FBN2: variants seen among roughly 807,000 people sequenced by gnomAD.
FBN2 encodes fibrillin-2.
In FBN2, 105 loss-of-function variants were observed where a neutral mutation model predicts 355.6. That is an observed-to-expected ratio of 0.30 (90% CI 0.25 to 0.35). FBN2 has a LOEUF of 0.35. Ranked by LOEUF, FBN2 falls within the 10% of genes least tolerant of loss-of-function variation. The probability of loss-of-function intolerance (pLI) is 1.00; values close to 1 mark genes in which losing one functional copy is unlikely to be tolerated. For synonymous variants in FBN2, 1,350 were observed against 1,301.2 expected (o/e 1.04, Z -0.81); for missense variants, 3,280 against 3,758.7 (o/e 0.87, Z 3.33).
At position 128,374,667 on chromosome 5, in the gene FBN2, G is replaced by A. The variant is rs1752034485; in HGVS notation, c.2056C>T (p.Pro686Ser). Residue 686 changes from proline (P) to serine (S), a missense_variant, in exon 15 of 65, where the codon CCA becomes TCA. By Grantham distance (74) the Pro-to-Ser change is moderately conservative. Around this residue, in one of 6 missense-constraint regions of FBN2, gnomAD observed 2,284 missense variants for 2,749.5 expected, o/e 0.83. Transcript: ENST00000262464. ...CCATCCATGCCCACAGCCAGGCCTG[G>A]GGGACAGTCACAGCGGAAGGACCCT... is the stretch of plus-strand genomic sequence containing the variant. ...SEGSFRCDCP[P>S]GLAVGMDGRV... is the part of the protein sequence containing the mutation. 1.2e-6 allele frequency: 2 copies of A among 1,613,922 alleles called. No homozygotes were observed. Among genetic ancestry groups the A allele is most frequent in the Non-Finnish European group, 1.7e-6 (2 of 1,179,908 alleles).
intron 55 of FBN2, among the ~76,000 whole-genome samples, chr5:128,282,902 G>GAGACTCA (rs1385704025): frequency 1.3e-5 from 2 of 152,124 alleles, no homozygotes; most frequent in African/African-American, 4.8e-5. Flanking sequence ...TCATTTCAAT[G>GAGACTCA]AGACTCAAGA....
rs144593563 is a variant in FBN2 at position 128,342,731 on chromosome 5, AT to A, written c.3343+1653del. Among the ~76,000 whole-genome samples the A allele has an allele frequency of 4.1e-3, 591 of 143,916 alleles. 1 individual carries two copies. Among genetic ancestry groups the A allele is most frequent in the African/African-American group, 9.3e-3 (364 of 39,300 alleles). The allele number at this position is 143,916 out of a possible 152,430, so 94.4% of individuals were successfully genotyped here. ...GGAGAGGGAGTGGGGGATAAAGGAG[AT>A]TTTTTTTTTTTTTGAGATGGAGTTT... is the stretch of plus-strand genomic sequence containing the variant. On this transcript the variant is annotated intron_variant, in intron 25 of 64. Coordinates refer to ENST00000262464, the MANE Select transcript of FBN2 (RefSeq NM_001999.4).
chr5:128,485,999 C>T (rs1581338753), intron 5 of FBN2, among the ~76,000 whole-genome samples: 1 of 152,094 alleles, frequency 6.6e-6, no homozygotes, highest in East Asian at 1.9e-4. Context: ...AGGACTAAAT[C>T]AAACTTATCA....
chr5:128,460,467 A>G (rs1489830954), intron 6 of FBN2, among the ~76,000 whole-genome samples: 1 of 152,162 alleles, frequency 6.6e-6, no homozygotes, highest in Non-Finnish European at 1.5e-5. Flanking sequence ...TTCCCATTGA[A>G]CTGCCATTGA....
intron 41 of FBN2, among the ~76,000 whole-genome samples, chr5:128,308,849 AT>A (rs1749958072): frequency 6.6e-6 from 1 of 152,206 alleles, no homozygotes; most frequent in South Asian, 2.1e-4. Flanking sequence ...CTAAAAAAAA[AT>A]CCTTATTGAA....
intron 18 of FBN2, among the ~76,000 whole-genome samples, chr5:128,363,697 G>A (rs1343699073): frequency 1.3e-5 from 2 of 152,092 alleles, no homozygotes; most frequent in Non-Finnish European, 2.9e-5. Flanking sequence ...GGGGAAATCT[G>A]GATTTCACTT....
rs1750089032 is a variant in FBN2, at chr5:128,312,738, G to A, written c.4775C>T (p.Ser1592Phe). Reference sequence around the variant, plus strand: ...GCCCACCCCGATCTCGGTGTTGCAAGACAGACTCCCATCTCCTCGAGGTCC... The same window carrying A: ...GCCCACCCCGATCTCGGTGTTGCAAAACAGACTCCCATCTCCTCGAGGTCC... ...KFGPRGDGSL[S>F]CNTEIGVGVS... Residue 1592 changes from serine (S) to phenylalanine (F), a missense_variant, in exon 37 of 65, where the codon TCT (serine) becomes TTT (phenylalanine). This residue lies in a region of FBN2 where 2,284 missense variants were observed against 2,749.5 expected (regional missense o/e 0.83). Coordinates refer to ENST00000262464, the MANE Select transcript of FBN2 (RefSeq NM_001999.4). 1.2e-6 allele frequency: 2 copies of A among 1,613,840 alleles called. No individual in the cohort carries two copies. The highest frequency in any genetic ancestry group is 2.2e-5 in the South Asian group (2 of 91,062).
At chr5:128,528,394 C>T (rs1471959029) in intron 3 of FBN2, among the ~76,000 whole-genome samples, 1 of 152,054 alleles carries the variant, frequency 6.6e-6, no homozygotes, top group African/African-American at 2.4e-5. Flanking sequence ...AAACAAATAC[C>T]ACTAAGTAAT....
intron 5 of FBN2, among the ~76,000 whole-genome samples, chr5:128,479,679 T>A (rs1755101305): frequency 6.6e-6 from 1 of 151,904 alleles, no homozygotes; most frequent in Admixed American, 6.6e-5. Flanking sequence ...GAAATCCCAG[T>A]GCTTTGGGAT....
In FBN2 at chr5:128,536,036, T is replaced by C. The variant is rs187219529; in HGVS notation, c.337+366A>G. 3.3e-5 allele frequency among the ~76,000 whole-genome samples: 5 copies of C among 152,300 alleles called. No homozygotes were observed. In the East Asian group the frequency reaches 5.8e-4, roughly 18 times the overall value. ...CAAGCAGAGTTAAAAGCCTGATAATTTGCATAATAACATGTGGTCTCATCT... is the reference window on the plus strand; with the variant it reads ...CAAGCAGAGTTAAAAGCCTGATAATCTGCATAATAACATGTGGTCTCATCT... On this transcript the variant is annotated intron_variant, in intron 2 of 64. Coordinates refer to ENST00000262464, the MANE Select transcript of FBN2 (RefSeq NM_001999.4).
intron 46 of FBN2, among the ~76,000 whole-genome samples, chr5:128,302,639 C>A (rs1406868371): frequency 6.6e-6 from 1 of 152,112 alleles, no homozygotes; most frequent in East Asian, 1.9e-4. Flanking sequence ...AACATTGAGA[C>A]AATGAAGGGT....
intron 34 of FBN2, 25 bp downstream of exon 34, chr5:128,328,671 A>G: frequency 1.2e-6 from 2 of 1,613,508 alleles, no homozygotes; most frequent in Non-Finnish European, 1.7e-6. Context: ...CAACTTGAAA[A>G]TGAGTTGGAA....
At chr5:128,482,893 C>A (rs1046140759) in intron 5 of FBN2, among the ~76,000 whole-genome samples, 1 of 151,984 alleles carries the variant, frequency 6.6e-6, no homozygotes, top group Admixed American at 6.6e-5. Context: ...TTAAAATATA[C>A]GAACAAGGTC....
chr5:128,386,281 CCTTT>C (rs1457314178), intron 11 of FBN2, among the ~76,000 whole-genome samples: 2 of 151,972 alleles, frequency 1.3e-5, no homozygotes, highest in Non-Finnish European at 2.9e-5. Flanking sequence ...AATAGGGAGC[CCTTT>C]CTTTGTTGCT....
At chr5:128,385,747 T>C (rs969426199) in intron 11 of FBN2, among the ~76,000 whole-genome samples, 1 of 152,194 alleles carries the variant, frequency 6.6e-6, no homozygotes, top group African/African-American at 2.4e-5. Context: ...TGGTATAATA[T>C]GGTATCTCAT....
rs776542113 is a variant in FBN2 at position 128,258,337 on chromosome 5, A to G, written c.*1118T>C. ...ACAATAGGCTATGATAAAATGAGGC[A>G]TATGGTGTATAACTACAGTATTAAT... is the stretch of plus-strand genomic sequence containing the variant. On this transcript the variant is annotated 3_prime_UTR_variant, in exon 65 of 65. Transcript: ENST00000262464. The G allele has an allele frequency of 7.2e-5, 11 of 152,646 alleles. No individual in the cohort carries two copies. Among genetic ancestry groups the G allele is most frequent in the Non-Finnish European group, 1.5e-4 (10 of 68,044 alleles). The allele number at this position is 152,646 out of a possible 1,614,324, so 9.5% of individuals were successfully genotyped here. A position where few individuals can be genotyped will look rare whatever the true frequency, so the allele number is the denominator to read the frequency against.
At chr5:128,296,525 G>A (rs1191040714) in intron 48 of FBN2, among the ~76,000 whole-genome samples, 2 of 151,998 alleles carry the variant, frequency 1.3e-5, no homozygotes, top group African/African-American at 4.8e-5. Context: ...ACCTGTTATT[G>A]GTCTATTCAG....
chr5:128,311,473 A>C (rs745378549), intron 38 of FBN2, 48 bp from the exon 39 acceptor site: 2 of 1,595,548 alleles, frequency 1.3e-6, no homozygotes, highest in Non-Finnish European at 1.7e-6. Context: ...TTCACTAAGG[A>C]TAAGAGTTAA....
intron 51 of FBN2, 71 bp from the exon 52 acceptor site, chr5:128,289,323 T>A: frequency 6.5e-7 from 1 of 1,544,168 alleles, no homozygotes; most frequent in Middle Eastern, 1.7e-4. Context: ...TGGCTCATGC[T>A]TATAAATCCC....
Sources: allele counts gnomAD v4.1 joint callset (sites outside exome capture counted in the v4.1 genomes callset), GRCh38; gene constraint gnomAD v4.1.1; regional missense constraint gnomAD v4.1.1; transcripts MANE v1.5; gene names NCBI Gene and HGNC (gene_info 2026-07-23, HGNC 2026-07-21).